RHCE: variants seen among roughly 807,000 people sequenced by gnomAD.
RHCE encodes the protein Rh blood group CcEe antigens, also known as blood group Rh(CE) polypeptide.
Under a neutral mutation model 43.8 loss-of-function variants are expected in RHCE, and 22 were observed. The ratio of observed to expected loss-of-function variants is 0.50; its 90% CI spans 0.36 to 0.72. The LOEUF is 0.72. RHCE is among the 30% of genes least tolerant of loss of function. The pLI is 0.00. For missense variants in RHCE, 385 were observed against 525.4 expected, an observed-to-expected ratio of 0.73 and a Z score of 2.61; for synonymous variants, 156 against 210.7, an observed-to-expected ratio of 0.74 and a Z score of 2.25.
At chr1:25,406,195 T>C (rs1646908582) in intron 2 of RHCE, among the ~76,000 whole-genome samples, 1 of 121,108 alleles carries the variant, frequency 8.3e-6, no homozygotes, top group African/African-American at 2.5e-5. Context: ...CAGGGTGCCC[T>C]TTGTCACTTT....
At chr1:25,421,800 G>A (rs544574754), upstream of RHCE, among the ~76,000 whole-genome samples, 323 of 151,882 alleles carry the variant, frequency 2.1e-3, no homozygotes, top group Non-Finnish European at 3.8e-3. Context: ...AGGAAGAAAA[G>A]AAGGAAGGAA....
At chr1:25,385,350 C>T (rs1646120225) in intron 7 of RHCE, 3 of 382,720 alleles carry the variant, frequency 7.8e-6, no homozygotes, top group African/African-American at 2.1e-5. Context: ...GCCGCATGCC[C>T]AGCTAGTACG....
chr1:25,379,683 C>T (rs556688117), intron 7 of RHCE, among the ~76,000 whole-genome samples: 1 of 148,290 alleles, frequency 6.7e-6, no homozygotes, highest in African/African-American at 2.5e-5. Flanking sequence ...TTTATTTAAT[C>T]TTATTTGTAG....
intron 3 of RHCE, among the ~76,000 whole-genome samples, chr1:25,400,393 T>C (rs1235052854): frequency 6.6e-6 from 1 of 151,818 alleles, no homozygotes; most frequent in Admixed American, 6.6e-5. Context: ...GGGCCCTCTC[T>C]TTCCTTGCCT....
chr1:25,378,226 C>T lies in RHCE; in HGVS notation c.1074-2798G>A, dbSNP rs138657003. Among the ~76,000 whole-genome samples the T allele has an allele frequency of 5.9e-3, 893 of 152,236 alleles. 13 individuals are homozygous for T. The highest frequency in any genetic ancestry group is 0.02 in the African/African-American group (836 of 41,534). On this transcript the variant is annotated intron_variant, in intron 7 of 9. Transcript: ENST00000294413. The stretch of plus-strand genomic sequence containing the variant: ...TATACACTACTGGTGATTAGATTGG[C>T]GCAAACTACTAGAGAAAACTGTTTA...
upstream of RHCE, among the ~76,000 whole-genome samples, chr1:25,425,406 C>T (rs988948010): frequency 5.9e-5 from 9 of 152,292 alleles, no homozygotes; most frequent in Admixed American, 3.3e-4. Context: ...CGTGAGTACC[C>T]AAAGCCACAC....
intron 7 of RHCE, among the ~76,000 whole-genome samples, chr1:25,380,810 A>C (rs937551932): frequency 6.6e-6 from 1 of 151,722 alleles, no homozygotes; most frequent in African/African-American, 2.4e-5. Flanking sequence ...GGCAGTCTTG[A>C]AGATCTCTGA....
In RHCE at chr1:25,390,737, C is replaced by T. The variant is rs780030509; in HGVS notation, c.801+12G>A. 78 of 1,614,060 alleles carry T rather than the reference C, an allele frequency of 4.8e-5. No individual in the cohort carries two copies. The Admixed American group carries it at 6.0e-4, about 12-fold the overall frequency. ...AGACCCAAGTGCTGCCCAAGGGCAG[C>T]GCCCTGCTCACCATGCTGATCTTCC... On this transcript the variant is annotated intron_variant, in intron 5 of 9. Transcript: ENST00000294413.
intron 8 of RHCE, among the ~76,000 whole-genome samples, chr1:25,374,465 C>A (rs558645824): frequency 6.6e-6 from 1 of 152,056 alleles, no homozygotes; most frequent in South Asian, 2.1e-4. Flanking sequence ...TATTGTATTG[C>A]AAGAACAGAA....
In RHCE at chr1:25,371,709, C is replaced by T. The variant is rs1645616889; in HGVS notation, c.1154-1169G>A. Among the ~76,000 whole-genome samples the T allele has an allele frequency of 2.0e-5, 3 of 151,552 alleles. No individual in the cohort carries two copies. In the South Asian group the frequency reaches 6.2e-4, roughly 31 times the overall value. On this transcript the variant is annotated intron_variant, in intron 8 of 9. Transcript: ENST00000294413. ...TCTACTCTCTGCCCAGGTAGCTTGG[C>T]CATATGTATTCCTCCAGCTTCCCGA... is the stretch of plus-strand genomic sequence containing the variant.
intron 1 of RHCE, among the ~76,000 whole-genome samples, chr1:25,415,380 T>C (rs554332603): frequency 1.1e-4 from 16 of 152,280 alleles, no homozygotes; most frequent in East Asian, 1.9e-4. Context: ...GGGCCAGGCA[T>C]GGTGGCTCAC....
chr1:25,411,372 C>A (rs563565018), intron 1 of RHCE: 2 of 1,550,550 alleles, frequency 1.3e-6, no homozygotes, highest in Middle Eastern at 3.3e-4. Flanking sequence ...GCTTTGATAA[C>A]AATGAGAAGC....
chr1:25,382,170 A>G (rs563469383), intron 7 of RHCE, among the ~76,000 whole-genome samples: 2 of 149,054 alleles, frequency 1.3e-5, no homozygotes, highest in Non-Finnish European at 2.9e-5. Flanking sequence ...AATCCTAATT[A>G]CTTCCCAAAG....
intron 6 of RHCE, among the ~76,000 whole-genome samples, chr1:25,386,676 G>C (rs1224964984): frequency 1.3e-5 from 2 of 152,188 alleles, no homozygotes; most frequent in Admixed American, 1.3e-4. Flanking sequence ...CAAAAAATTA[G>C]CTGGGCGTGG....
chr1:25,385,693 G>A lies in RHCE; in HGVS notation c.1073+18C>T, dbSNP rs756663824. ...GAGGGGAGTGTTAAGGGGATGGGGG[G>A]TAAGCCCAGTGACCCACATGCCATT... On this transcript the variant is annotated intron_variant, in intron 7 of 9. Transcript: ENST00000294413. The A allele has an allele frequency of 5.6e-6, 9 of 1,613,806 alleles. No individual in the cohort carries two copies. In the African/African-American group the frequency reaches 9.4e-5, roughly 17 times the overall value.
chr1:25,372,631 TA>T (rs1356497021), intron 8 of RHCE, among the ~76,000 whole-genome samples: 2 of 151,770 alleles, frequency 1.3e-5, no homozygotes, highest in African/African-American at 4.9e-5. Flanking sequence ...CTGCTATTTC[TA>T]ATCTACCTGG....
chr1:25,391,916 G>C (rs895062961), intron 4 of RHCE, 78 bp downstream of exon 4: 32 of 1,605,580 alleles, frequency 2.0e-5, no homozygotes, highest in Middle Eastern at 2.3e-4. Flanking sequence ...AAAGGAGGGA[G>C]ATTTTTTCAG....
rs1335382623 is a variant in RHCE, at chr1:25,385,802, T to G, written c.982A>C (p.Met328Leu). The G allele has an allele frequency of 3.7e-6, 6 of 1,613,954 alleles. No homozygotes were observed. The African/African-American group carries it at 6.7e-5, about 18-fold the overall frequency. Reference protein sequence around the residue: ...RVLGIHHISVMHSIFSLLGLL... With the variant: ...RVLGIHHISVLHSIFSLLGLL... ...CCCAGCAAGCTGAAGATGGAGTGCA[T>G]GACGGAGATGTGGTGAATCCCCAGC... is the stretch of plus-strand genomic sequence containing the variant. Residue 328 changes from methionine to leucine, a missense_variant, in exon 7 of 10, where the codon ATG (methionine) becomes CTG (leucine). Physicochemically the swap from Met to Leu is conservative, Grantham distance 15 (BLOSUM62 2). Transcript: ENST00000294413.
At chr1:25,406,070 TG>T (rs1208255873) in intron 2 of RHCE, among the ~76,000 whole-genome samples, 1 of 122,584 alleles carries the variant, frequency 8.2e-6, no homozygotes, top group African/African-American at 2.5e-5. Flanking sequence ...CAGGTCCCTG[TG>T]GACATCAGAT....
Sources: allele counts gnomAD v4.1 joint callset (sites outside exome capture counted in the v4.1 genomes callset), GRCh38; gene constraint gnomAD v4.1.1; transcripts MANE v1.5; gene names NCBI Gene and HGNC (gene_info 2026-07-23, HGNC 2026-07-21).